The following STARD13 variants were observed in gnomAD, a reference collection of about 807,000 sequenced individuals.
The protein encoded by STARD13 is StAR related lipid transfer domain containing 13.
STARD13 carries 62 observed loss-of-function variants against 106.4 expected under a neutral mutation model. The ratio of observed to expected loss-of-function variants is 0.58; its 90% CI spans 0.48 to 0.72. The LOEUF is 0.72. Among genes scored for constraint, STARD13 ranks in the 30% least tolerant of loss-of-function variants. The probability of loss-of-function intolerance (pLI) is 0.00; values close to 1 mark genes in which losing one functional copy is unlikely to be tolerated. For synonymous variants in STARD13, 565 were observed against 553.0 expected (o/e 1.02, Z -0.31); for missense variants, 1,387 against 1,424.0 (o/e 0.97, Z 0.42).
In STARD13 at chr13:33,110,773, G is replaced by A. The variant is rs768282107; in HGVS notation, c.2742C>T (p.Ile914=). Residue 914 remains isoleucine, a synonymous_variant, in exon 11 of 14, where the codon ATC becomes ATT. Transcript: ENST00000336934. ...CCTTGGCTTCTTTCTGGAGGCCCTG[G>A]ATGAGATGGTTCAGGTAAGTGTGGA... ...ATFHTYLNHL[I]QGLQKEAKEK... 3.0e-5 allele frequency: 49 copies of A among 1,614,192 alleles called. No homozygotes were observed. Among genetic ancestry groups the A allele is most frequent in the South Asian group, 1.2e-4 (11 of 91,082 alleles).
At chr13:33,635,613 T>A in the STARD13 span, among the ~76,000 whole-genome samples, 2 of 150,460 alleles carry the variant, frequency 1.3e-5, no homozygotes, top group African/African-American at 4.9e-5. Flanking sequence ...TGAGCTGAGA[T>A]TGTGCCACCG....
In STARD13 at chr13:33,103,550, C is replaced by A. The variant is rs1001426758; in HGVS notation, c.*2043G>T. ...GTTTCTGAGTGTGGTTTTAGGCCAG[C>A]AGCATAGGCATCCCTGAGACTCCTT... On this transcript the variant is annotated 3_prime_UTR_variant, in exon 14 of 14. Transcript: ENST00000336934. 6.6e-6 allele frequency: 1 copy of A among 152,660 alleles called. No homozygotes were observed. Among genetic ancestry groups the A allele is most frequent in the Non-Finnish European group, 1.5e-5 (1 of 68,040 alleles). The allele number at this position is 152,660 out of a possible 1,614,324, so 9.5% of individuals were successfully genotyped here.
the STARD13 span, among the ~76,000 whole-genome samples, chr13:33,491,892 A>G: frequency 6.6e-6 from 1 of 152,220 alleles, no homozygotes; most frequent in East Asian, 1.9e-4. Context: ...GAGACCACCA[A>G]ACAGGCTTTA....
the STARD13 span, among the ~76,000 whole-genome samples, chr13:33,538,664 C>G: frequency 6.7e-6 from 1 of 149,748 alleles, no homozygotes; most frequent in Non-Finnish European, 1.5e-5. Flanking sequence ...ACAAAGACAA[C>G]ATTTCATAAA....
rs398022242 is a variant in STARD13, at chr13:33,121,669, C to CTT, written c.2083-3408_2083-3407dup. The stretch of plus-strand genomic sequence containing the variant: ...ATGGAGAAGAAACCTGTTGTTCATC[C>CTT]TTTTTTTTTTTTTTTTTTGAGACAG... On this transcript the variant is annotated intron_variant, in intron 7 of 13. Coordinates refer to ENST00000336934, the MANE Select transcript of STARD13 (RefSeq NM_178006.4). Among the ~76,000 whole-genome samples, 12 of 110,450 alleles carry CTT rather than the reference C, an allele frequency of 1.1e-4. 3 individuals carry two copies. Among genetic ancestry groups the CTT allele is most frequent in the Middle Eastern group, 0.011 (2 of 188 alleles). 72.5% of individuals were successfully genotyped at this position (110,450 alleles called of 152,430 possible).
chr13:33,554,612 ATATT>A, the STARD13 span, among the ~76,000 whole-genome samples: 1 of 152,204 alleles, frequency 6.6e-6, no homozygotes, highest in Non-Finnish European at 1.5e-5. Flanking sequence ...AAGTTACCTA[ATATT>A]TATTATTTTT....
At chr13:33,671,274 G>C in the STARD13 span, among the ~76,000 whole-genome samples, 1 of 152,184 alleles carries the variant, frequency 6.6e-6, no homozygotes, top group Non-Finnish European at 1.5e-5. Flanking sequence ...ATTTATGATA[G>C]TTTCCAATTA....
chr13:33,187,718 T>G (rs1885901354), intron 1 of STARD13, among the ~76,000 whole-genome samples: 1 of 152,196 alleles, frequency 6.6e-6, no homozygotes, highest in South Asian at 2.1e-4. Context: ...GGTCTTGATC[T>G]GTCACCCAGG....
the STARD13 span, among the ~76,000 whole-genome samples, chr13:33,631,615 A>G: frequency 6.6e-6 from 1 of 152,210 alleles, no homozygotes; most frequent in Non-Finnish European, 1.5e-5. Flanking sequence ...GGAATAACCT[A>G]GAAGATTTGT....
At chr13:33,386,932 TA>T in the STARD13 span, among the ~76,000 whole-genome samples, 1 of 152,206 alleles carries the variant, frequency 6.6e-6, no homozygotes, top group Non-Finnish European at 1.5e-5. Context: ...CAGGGATTTT[TA>T]CAACCTTCTT....
At chr13:33,306,786 C>CTAAAAA (rs1483152738) in intron 1 of STARD13, among the ~76,000 whole-genome samples, 4 of 152,072 alleles carry the variant, frequency 2.6e-5, no homozygotes, top group Non-Finnish European at 5.9e-5. Flanking sequence ...TCTGTCTCTA[C>CTAAAAA]TAAAAATACA....
chr13:33,332,377 C>T (rs2077846300), intron 1 of STARD13, among the ~76,000 whole-genome samples: 1 of 152,136 alleles, frequency 6.6e-6, no homozygotes, highest in Non-Finnish European at 1.5e-5. Flanking sequence ...TCCCAACCCC[C>T]AGTTTGATGG....
chr13:33,569,789 C>T, the STARD13 span, among the ~76,000 whole-genome samples: 1 of 147,510 alleles, frequency 6.8e-6, no homozygotes, highest in Non-Finnish European at 1.5e-5. Flanking sequence ...TATTAATTTT[C>T]CCTTTGATCA....
At chr13:33,549,588 G>A in the STARD13 span, among the ~76,000 whole-genome samples, 7 of 152,010 alleles carry the variant, frequency 4.6e-5, no homozygotes, top group African/African-American at 1.7e-4. Context: ...CTTTTTCTAC[G>A]GTGTTAACAT....
intron 1 of STARD13, among the ~76,000 whole-genome samples, chr13:33,263,697 C>T (rs770799815): frequency 3.9e-5 from 6 of 152,166 alleles, no homozygotes; most frequent in African/African-American, 9.7e-5. Flanking sequence ...GAATGTCACC[C>T]GAGCACTCTC....
the STARD13 span, among the ~76,000 whole-genome samples, chr13:33,381,756 A>T: frequency 1.3e-5 from 2 of 152,206 alleles, no homozygotes; most frequent in Non-Finnish European, 2.9e-5. Flanking sequence ...AAAAAAATAA[A>T]ACTAAAAATA....
chr13:33,666,743 A>T, the STARD13 span, among the ~76,000 whole-genome samples: 701 of 151,944 alleles, frequency 4.6e-3, 5 homozygotes, highest in African/African-American at 0.015. Context: ...GGCTCCCACC[A>T]CCACACCCGG....
the STARD13 span, among the ~76,000 whole-genome samples, chr13:33,619,085 C>G: frequency 1.3e-5 from 2 of 151,972 alleles, no homozygotes; most frequent in African/African-American, 4.8e-5. Context: ...ATTTCTGGAA[C>G]AGTCAGTTGA....
intron 1 of STARD13, among the ~76,000 whole-genome samples, chr13:33,209,155 C>A (rs913447302): frequency 2.0e-5 from 3 of 152,128 alleles, no homozygotes; most frequent in African/African-American, 7.2e-5. Context: ...TTGTGTGTTA[C>A]CCCCATATTG....
Sources: gnomAD v4.1 joint callset for allele counts (sites outside exome capture counted in the v4.1 genomes callset) on GRCh38, gnomAD v4.1.1 for gene constraint, MANE v1.5 for transcripts, NCBI Gene and HGNC (gene_info 2026-07-23, HGNC 2026-07-21) for gene names.